AFF4: variants seen among roughly 807,000 people sequenced by gnomAD.
The protein encoded by AFF4 is ALF transcription elongation factor 4.
In AFF4, 13 loss-of-function variants were observed where a neutral mutation model predicts 124.8. The ratio of observed to expected loss-of-function variants is 0.10; its 90% CI spans 0.07 to 0.17. The LOEUF (loss-of-function observed/expected upper bound fraction) is 0.17, where lower values mean the gene tolerates loss of function less well. Ranked by LOEUF, AFF4 falls within the 10% of genes least tolerant of loss-of-function variation. The probability of loss-of-function intolerance (pLI) is 1.00; values close to 1 mark genes in which losing one functional copy is unlikely to be tolerated. For missense variants in AFF4, 1,092 were observed against 1,403.8 expected (o/e 0.78, Z 3.55); for synonymous variants, 477 against 496.1 (o/e 0.96, Z 0.51).
chr5:132,893,539 A>G (rs905564577), intron 11 of AFF4, among the ~76,000 whole-genome samples: 5 of 152,216 alleles, frequency 3.3e-5, no homozygotes, highest in Non-Finnish European at 1.5e-5. Flanking sequence ...TATTTTTCAG[A>G]CGGAGTCTTG....
At chr5:132,890,241 A>G (rs1172182570) in intron 13 of AFF4, among the ~76,000 whole-genome samples, 1 of 151,856 alleles carries the variant, frequency 6.6e-6, no homozygotes, top group Admixed American at 6.6e-5. Flanking sequence ...GTTGTACTGT[A>G]ACATTACTAG....
intron 1 of AFF4, among the ~76,000 whole-genome samples, chr5:132,961,852 G>C (rs1762088276): frequency 6.6e-6 from 1 of 152,106 alleles, no homozygotes; most frequent in African/African-American, 2.4e-5. Context: ...GAATGAAACT[G>C]CTGGTAATAA....
At position 132,934,388 on chromosome 5, in the gene AFF4, A is replaced by G. The variant is rs750902201; in HGVS notation, c.677T>C (p.Val226Ala). 7.4e-6 allele frequency: 12 copies of G among 1,614,020 alleles called. No homozygotes were observed. Residue 226 changes from valine (V) to alanine (A), a missense_variant, in exon 3 of 21, where the codon GTA becomes GCA. Val to Ala is a moderately conservative substitution (Grantham distance 64). Transcript: ENST00000265343. The part of the protein sequence containing the change: ...PDANWDSPSR[V>A]PFSSGQHSTQ... ...TGAGTGCTGCCCACTTGAAAAAGGT[A>G]CACGGGAAGGAGAATCCCAGTTTGC...
intron 1 of AFF4, among the ~76,000 whole-genome samples, chr5:132,954,762 T>C (rs1250923370): frequency 6.6e-6 from 1 of 151,988 alleles, no homozygotes; most frequent in Non-Finnish European, 1.5e-5. Context: ...TTAGCCAGGA[T>C]GGTCTCGATC....
intron 1 of AFF4, among the ~76,000 whole-genome samples, chr5:132,949,645 T>G (rs1373745688): frequency 6.6e-6 from 1 of 150,894 alleles, no homozygotes; most frequent in Non-Finnish European, 1.5e-5. Flanking sequence ...GCCAGGAGAT[T>G]GAGACCATCC....
At chr5:132,888,236 C>T in intron 14 of AFF4, 76 bp from the exon 15 acceptor site, 1 of 1,129,766 alleles carries the variant, frequency 8.9e-7, no homozygotes, top group Non-Finnish European at 1.3e-6. Context: ...ATCTAGTATC[C>T]CTCAGTTTTT....
chr5:132,907,892 A>AGAT (rs1760705553), intron 5 of AFF4, among the ~76,000 whole-genome samples: 1 of 152,162 alleles, frequency 6.6e-6, no homozygotes, highest in Non-Finnish European at 1.5e-5. Context: ...CTAAAATGCT[A>AGAT]GATCACACAG....
Position 132,876,977 on chromosome 5 carries a change from T to C in AFF4, c.*4082A>G, listed in dbSNP as rs574716576. 1.5e-5 allele frequency: 3 copies of C among 196,980 alleles called. No homozygotes were observed. The highest frequency in any genetic ancestry group is 3.8e-4 in the South Asian group (2 of 5,206). The allele number at this position is 196,980 out of a possible 1,614,324, so 12.2% of individuals were successfully genotyped here. A position where few individuals can be genotyped will look rare whatever the true frequency, so the allele number is the denominator to read the frequency against. ...TATTAGTTTTACTGAATAGCAACCT[T>C]AGATGTACAGTATTATTACTGGAAA... On this transcript the variant is annotated 3_prime_UTR_variant, in exon 21 of 21. Transcript: ENST00000265343.
chr5:132,952,190 T>C (rs539902303), intron 1 of AFF4, among the ~76,000 whole-genome samples: 87 of 152,348 alleles, frequency 5.7e-4, no homozygotes, highest in Admixed American at 1.0e-3. Context: ...TCAACTTTAG[T>C]AGATACAGCC....
intron 13 of AFF4, among the ~76,000 whole-genome samples, chr5:132,890,972 G>A (rs12163973): frequency 0.12 from 17,472 of 151,282 alleles, 1,268 homozygotes; most frequent in South Asian, 0.2. Flanking sequence ...AAATGAGCAG[G>A]AGAGCTCACT....
At chr5:132,932,065 A>G in intron 4 of AFF4, 113 bp downstream of exon 4, 3 of 617,372 alleles carry the variant, frequency 4.9e-6, no homozygotes, top group Non-Finnish European at 8.0e-6. Context: ...AGTTACAAAT[A>G]TAAGCAATCT....
intron 13 of AFF4, among the ~76,000 whole-genome samples, chr5:132,891,545 G>A (rs567568003): frequency 6.6e-6 from 1 of 152,266 alleles, no homozygotes; most frequent in Admixed American, 6.5e-5. Flanking sequence ...CCCCTGCATT[G>A]TGAGTATCCT....
At chr5:132,930,185 C>T (rs1761266585) in intron 4 of AFF4, among the ~76,000 whole-genome samples, 1 of 152,056 alleles carries the variant, frequency 6.6e-6, no homozygotes, top group Non-Finnish European at 1.5e-5. Context: ...CAAACCAAAA[C>T]CCAAAGGCCA....
chr5:132,916,107 G>A (rs1011499459), intron 5 of AFF4, among the ~76,000 whole-genome samples: 2 of 151,534 alleles, frequency 1.3e-5, no homozygotes, highest in Non-Finnish European at 2.9e-5. Context: ...GTGTGGTGGC[G>A]GGCACCTGTA....
At chr5:132,907,195 C>G (rs1760690947) in intron 5 of AFF4, among the ~76,000 whole-genome samples, 1 of 152,130 alleles carries the variant, frequency 6.6e-6, no homozygotes, top group African/African-American at 2.4e-5. Flanking sequence ...CAATGGCCTT[C>G]TAATGGATCT....
chr5:132,958,494 C>G (rs570783203), intron 1 of AFF4, among the ~76,000 whole-genome samples: 41 of 135,798 alleles, frequency 3.0e-4, no homozygotes, highest in Middle Eastern at 3.8e-3. Context: ...AAAAAAGGAG[C>G]TACAAAGTGA....
In AFF4 at chr5:132,878,513, T is replaced by A. The variant is rs1759893999; in HGVS notation, c.*2546A>T. On this transcript the variant is annotated 3_prime_UTR_variant, in exon 21 of 21. Coordinates refer to ENST00000265343, the MANE Select transcript of AFF4 (RefSeq NM_014423.4). ...AGGTCACCTGTAAAGGAGTCCAAAG[T>A]ATGTGCTGGAGCAGATGATGACAAA... The A allele has an allele frequency of 4.3e-6, 1 of 232,338 alleles. No individual in the cohort carries two copies. The allele number at this position is 232,338 out of a possible 1,614,324, so 14.4% of individuals were successfully genotyped here.
rs1759846264 is a variant in AFF4, at chr5:132,876,670, T to C, written c.*4389A>G. On this transcript the variant is annotated 3_prime_UTR_variant, in exon 21 of 21. Transcript: ENST00000265343. Reference sequence around the variant, plus strand: ...TACCTTATTCTGTGACCAAATTACATGAAAAGAAGATACATAGTTATTATT... The same window carrying C: ...TACCTTATTCTGTGACCAAATTACACGAAAAGAAGATACATAGTTATTATT... 1.0e-5 allele frequency: 2 copies of C among 198,260 alleles called. No homozygotes were observed. Among genetic ancestry groups the C allele is most frequent in the South Asian group, 1.9e-4 (1 of 5,222 alleles). The allele number at this position is 198,260 out of a possible 1,614,324, so 12.3% of individuals were successfully genotyped here. A position where few individuals can be genotyped will look rare whatever the true frequency, so the allele number is the denominator to read the frequency against.
chr5:132,908,828 T>C (rs954650157), intron 5 of AFF4, among the ~76,000 whole-genome samples: 39 of 147,480 alleles, frequency 2.6e-4, no homozygotes, highest in African/African-American at 9.7e-4. Context: ...TGGAGTGCAG[T>C]GGTGTGATTT....
Sources: allele counts gnomAD v4.1 joint callset (sites outside exome capture counted in the v4.1 genomes callset), GRCh38; gene constraint gnomAD v4.1.1; transcripts MANE v1.5; gene names NCBI Gene and HGNC (gene_info 2026-07-23, HGNC 2026-07-21).